GLIS3: variants seen among roughly 807,000 people sequenced by gnomAD.
GLIS3 encodes zinc finger protein GLIS3.
In GLIS3, 53 loss-of-function variants were observed where a neutral mutation model predicts 78.6. The observed-to-expected ratio is 0.67, with a 90% confidence interval of 0.54 to 0.85. The LOEUF (loss-of-function observed/expected upper bound fraction) is 0.85. GLIS3 is among the 40% of genes least tolerant of loss of function. The pLI is 0.00. For synonymous variants in GLIS3, 684 were observed against 509.9 expected, an observed-to-expected ratio of 1.34 and a Z score of -4.60; for missense variants, 1,703 against 1,231.1, an observed-to-expected ratio of 1.38 and a Z score of -5.74.
At chr9:4,123,676 T>C (rs149005213) in intron 3 of GLIS3, 40 of 393,484 alleles carry the variant, frequency 1.0e-4, no homozygotes, top group African/African-American at 7.2e-4. Flanking sequence ...TTAAAAACTA[T>C]GTAGATTACT....
chr9:4,192,433 T>A (rs1281856226), intron 2 of GLIS3, among the ~76,000 whole-genome samples: 1 of 152,250 alleles, frequency 6.6e-6, no homozygotes, highest in Non-Finnish European at 1.5e-5. Flanking sequence ...CATCTTTATA[T>A]GGGAAAACAT....
chr9:3,992,249 T>A (rs1820374953), intron 4 of GLIS3, among the ~76,000 whole-genome samples: 1 of 152,226 alleles, frequency 6.6e-6, no homozygotes, highest in African/African-American at 2.4e-5. Context: ...AAAATATGTT[T>A]TCCAGAAGTA....
intron 4 of GLIS3, among the ~76,000 whole-genome samples, chr9:4,097,278 T>G (rs1204108273): frequency 6.6e-6 from 1 of 151,944 alleles, no homozygotes; most frequent in Non-Finnish European, 1.5e-5. Flanking sequence ...TTTTCCAGGA[T>G]TCAAAGTAAA....
intron 4 of GLIS3, among the ~76,000 whole-genome samples, chr9:4,006,815 TA>T (rs1821588952): frequency 6.6e-6 from 1 of 152,136 alleles, no homozygotes; most frequent in African/African-American, 2.4e-5. Flanking sequence ...TCCGTAATGG[TA>T]AAAGCTAAAT....
chr9:4,297,888 C>T (rs1042355943), intron 1 of GLIS3, among the ~76,000 whole-genome samples: 2 of 151,950 alleles, frequency 1.3e-5, no homozygotes, highest in Non-Finnish European at 1.5e-5. Context: ...TTATCGGTTC[C>T]CTATAGGACT....
chr9:3,941,050 C>A (rs1308655088), intron 4 of GLIS3, among the ~76,000 whole-genome samples: 2 of 152,130 alleles, frequency 1.3e-5, no homozygotes, highest in African/African-American at 4.8e-5. Context: ...TGAGGCCCAG[C>A]CATCTGACTG....
At position 4,118,661 on chromosome 9, in the gene GLIS3, G is replaced by T; in HGVS notation, c.817C>A (p.Leu273Ile). ...NSVSNSLPSY[L>I]FGTESSHSPY... ...GAGTGGCTACTTTCCGTGCCAAAAA[G>T]GTAGGATGGTAATGAGTTAGAGACA... is the stretch of plus-strand genomic sequence containing the variant. The change falls in exon 4 of 11, where the codon CTT becomes ATT. Residue 273 changes from leucine (L) to isoleucine (I), a missense_variant. By Grantham distance (5) the Leu-to-Ile change is conservative. Transcript: ENST00000381971. This position sits in a 1 kb window ranked among gnomAD's most constrained non-coding sequence, Gnocchi z 4.7. The T allele has an allele frequency of 1.9e-6, 3 of 1,614,160 alleles. No individual in the cohort carries two copies. Among genetic ancestry groups the T allele is most frequent in the Non-Finnish European group, 2.5e-6 (3 of 1,180,028 alleles).
chr9:3,874,826 C>T (rs755172020), intron 8 of GLIS3, among the ~76,000 whole-genome samples: 4 of 152,124 alleles, frequency 2.6e-5, no homozygotes, highest in Non-Finnish European at 4.4e-5. Flanking sequence ...TATATTTACA[C>T]TTTCTTTTCA....
the GLIS3 span, among the ~76,000 whole-genome samples, chr9:4,462,345 G>T: frequency 6.6e-6 from 1 of 152,182 alleles, no homozygotes; most frequent in Non-Finnish European, 1.5e-5. Flanking sequence ...CAAGATTGGT[G>T]AAATTGTCTT....
intron 4 of GLIS3, among the ~76,000 whole-genome samples, chr9:4,034,049 C>T (rs546636956): frequency 6.6e-6 from 1 of 151,658 alleles, no homozygotes; most frequent in East Asian, 1.9e-4. Context: ...TTGTGAGACC[C>T]CATTTCTATT....
chr9:4,468,321 G>C, the GLIS3 span, among the ~76,000 whole-genome samples: 10 of 152,250 alleles, frequency 6.6e-5, no homozygotes, highest in East Asian at 1.9e-4. Flanking sequence ...GCAACTCCAA[G>C]ACACATAATT....
chr9:4,043,142 C>G (rs1446231887), intron 4 of GLIS3, among the ~76,000 whole-genome samples: 1 of 152,204 alleles, frequency 6.6e-6, no homozygotes, highest in African/African-American at 2.4e-5. Flanking sequence ...CAGCCCCACT[C>G]AAGGTCCCAA....
intron 4 of GLIS3, among the ~76,000 whole-genome samples, chr9:4,087,366 T>C (rs1202554820): frequency 6.6e-6 from 1 of 152,186 alleles, no homozygotes; most frequent in Non-Finnish European, 1.5e-5. Context: ...TGTACAGAGC[T>C]ACTACTGAGT....
chr9:4,386,663 C>A, the GLIS3 span: 7 of 152,144 alleles, frequency 4.6e-5, no homozygotes, highest in African/African-American at 1.7e-4. Context: ...AGTTGAAATA[C>A]CCCCTAGAGG....
intron 8 of GLIS3, among the ~76,000 whole-genome samples, chr9:3,871,199 C>T (rs577203097): frequency 1.9e-4 from 29 of 152,312 alleles, no homozygotes; most frequent in African/African-American, 6.7e-4. Context: ...TGGGCAGCTC[C>T]ACTCCTGTGG....
At chr9:4,105,777 T>G (rs1292016373) in intron 4 of GLIS3, among the ~76,000 whole-genome samples, 1 of 152,148 alleles carries the variant, frequency 6.6e-6, no homozygotes, top group Non-Finnish European at 1.5e-5. Context: ...TCTTGACTGA[T>G]TCCACCATAA....
At chr9:4,226,298 A>G (rs1174777586) in intron 2 of GLIS3, among the ~76,000 whole-genome samples, 2 of 152,186 alleles carry the variant, frequency 1.3e-5, no homozygotes, top group East Asian at 3.8e-4. Flanking sequence ...ATTCTTCCCA[A>G]CTAAACTATA....
intron 4 of GLIS3, among the ~76,000 whole-genome samples, chr9:3,986,561 G>T (rs536246146): frequency 6.6e-6 from 1 of 152,334 alleles, no homozygotes; most frequent in East Asian, 1.9e-4. Flanking sequence ...CTATTCTCCA[G>T]AGGCACAGGA....
At chr9:3,924,499 G>A (rs1825095061) in intron 6 of GLIS3, among the ~76,000 whole-genome samples, 1 of 152,192 alleles carries the variant, frequency 6.6e-6, no homozygotes, top group African/African-American at 2.4e-5. Flanking sequence ...CTAAGACATG[G>A]CCACCTGCCT....
Sources: gnomAD v4.1 joint callset for allele counts (sites outside exome capture counted in the v4.1 genomes callset) on GRCh38, gnomAD v4.1.1 for gene constraint, Gnocchi (gnomAD v3.1) non-coding constraint, MANE v1.5 for transcripts, NCBI Gene and HGNC (gene_info 2026-07-23, HGNC 2026-07-21) for gene names.